Variants in SMIM14 observed in about 807,000 individuals in gnomAD.
SMIM14 encodes small integral membrane protein 14, also known as chromosome 4 open reading frame 34.
Under a neutral mutation model 12.6 loss-of-function variants are expected in SMIM14, and 5 were observed. The observed-to-expected ratio is 0.40, with a 90% CI of 0.21 to 0.83. SMIM14 has a LOEUF of 0.83. Ranked by LOEUF, SMIM14 falls within the 40% of genes least tolerant of loss-of-function variation. SMIM14 has a pLI of 0.37. For missense variants in SMIM14, 86 were observed against 119.1 expected (o/e 0.72, Z 1.29); for synonymous variants, 30 against 40.1 (o/e 0.75, Z 0.95).
At chr4:39,621,561 T>C (rs1332633190) in intron 1 of SMIM14, among the ~76,000 whole-genome samples, 1 of 152,082 alleles carries the variant, frequency 6.6e-6, no homozygotes, top group African/African-American at 2.4e-5. Flanking sequence ...AATACAAAGG[T>C]TTATATACAA....
In SMIM14 at chr4:39,576,942, C is replaced by T. The variant is rs1225360942; in HGVS notation, c.76-4479G>A. On this transcript the variant is annotated intron_variant, in intron 2 of 4. Transcript: ENST00000295958. ...GCCAGGCTGGTCTCGAACTCCTGAC[C>T]TCCAGTGATCTGCCCGCCTCGGCCT... Among the ~76,000 whole-genome samples, 8 of 151,238 alleles carry T rather than the reference C, an allele frequency of 5.3e-5. No homozygotes were observed. In the Admixed American group the frequency reaches 5.3e-4, roughly 10 times the overall value.
In SMIM14 at chr4:39,588,359, T is replaced by C. The variant is rs548202686; in HGVS notation, c.76-15896A>G. ...GAGTTTGAGACCAGCCTGGGCAAAA[T>C]AGAGAGACCCCATCTCTATTCTAAA... On this transcript the variant is annotated intron_variant, in intron 2 of 4. Coordinates refer to ENST00000295958, the MANE Select transcript of SMIM14 (RefSeq NM_174921.3). Among the ~76,000 whole-genome samples, 3 of 152,182 alleles carry C rather than the reference T, an allele frequency of 2.0e-5. No individual in the cohort carries two copies. In the East Asian group the frequency reaches 5.8e-4, roughly 29 times the overall value.
At chr4:39,638,665 G>A in intron 1 of SMIM14, 74 bp downstream of exon 1, 2 of 981,216 alleles carry the variant, frequency 2.0e-6, no homozygotes, top group East Asian at 1.1e-4. Context: ...GAGAGCCTGA[G>A]GAGCCCCCAG....
At chr4:39,553,278 GTCTC>G (rs1271510738) in intron 4 of SMIM14, among the ~76,000 whole-genome samples, 2 of 151,898 alleles carry the variant, frequency 1.3e-5, no homozygotes, top group Admixed American at 1.3e-4. Context: ...GGTCAAGCTG[GTCTC>G]CAACTCCTGA....
chr4:39,616,152 T>C (rs1179154957), intron 1 of SMIM14, among the ~76,000 whole-genome samples: 2 of 152,180 alleles, frequency 1.3e-5, no homozygotes, highest in Admixed American at 6.5e-5. Flanking sequence ...GTTGTTATTT[T>C]TGAGGCTGAG....
At chr4:39,572,597 G>A in intron 2 of SMIM14, 134 bp from the exon 3 acceptor site, 1 of 679,034 alleles carries the variant, frequency 1.5e-6, no homozygotes. Flanking sequence ...TGAGGTGGGT[G>A]GATTGTTTGA....
chr4:39,634,420 T>C (rs1410769603), intron 1 of SMIM14, among the ~76,000 whole-genome samples: 1 of 152,190 alleles, frequency 6.6e-6, no homozygotes, highest in Non-Finnish European at 1.5e-5. Context: ...GTACAGTGAT[T>C]AAAAAGATTT....
At chr4:39,566,100 T>C (rs1242334161) in intron 3 of SMIM14, among the ~76,000 whole-genome samples, 1 of 150,744 alleles carries the variant, frequency 6.6e-6, no homozygotes, top group Non-Finnish European at 1.5e-5. Flanking sequence ...TAAGAACCTG[T>C]TGCAATAATC....
chr4:39,620,170 C>T (rs1356233711), intron 1 of SMIM14, among the ~76,000 whole-genome samples: 1 of 148,598 alleles, frequency 6.7e-6, no homozygotes, highest in African/African-American at 2.5e-5. Context: ...AAGATCCCAT[C>T]TCTATTAAGA....
rs1711641901 is a variant in SMIM14, at chr4:39,550,692, C to A, written c.*1434G>T. The A allele has an allele frequency of 6.6e-6, 1 of 152,124 alleles. No individual in the cohort carries two copies. Among genetic ancestry groups the A allele is most frequent in the Non-Finnish European group, 1.5e-5 (1 of 68,020 alleles). 9.4% of individuals were successfully genotyped at this position (152,124 alleles called of 1,614,324 possible). On this transcript the variant is annotated 3_prime_UTR_variant, in exon 5 of 5. Coordinates refer to ENST00000295958, the MANE Select transcript of SMIM14 (RefSeq NM_174921.3). ...TAAAATTTCTCTCATATTAACATTC[C>A]TTCCTACCCCAATCCATCCCATCAC...
At chr4:39,623,768 A>G (rs57182312) in intron 1 of SMIM14, among the ~76,000 whole-genome samples, 4,469 of 152,242 alleles carry the variant, frequency 0.029, 218 homozygotes, top group African/African-American at 0.1. Flanking sequence ...AGGCTGAGGC[A>G]GGAGAATCAC....
At chr4:39,604,922 A>C in intron 2 of SMIM14, 149 bp downstream of exon 2, 1 of 602,654 alleles carries the variant, frequency 1.7e-6, no homozygotes, top group Non-Finnish European at 2.9e-6. Flanking sequence ...CATTTTAATC[A>C]TTACAACTTA....
At chr4:39,563,457 G>A (rs1011443652) in intron 3 of SMIM14, among the ~76,000 whole-genome samples, 2 of 152,192 alleles carry the variant, frequency 1.3e-5, no homozygotes, top group African/African-American at 4.8e-5. Context: ...CACTGCCTAA[G>A]ACCATCTGAT....
intron 2 of SMIM14, among the ~76,000 whole-genome samples, chr4:39,579,976 GA>G (rs200512583): frequency 0.016 from 2,441 of 151,574 alleles, 28 homozygotes; most frequent in Middle Eastern, 0.058. Flanking sequence ...GAAATTCTTC[GA>G]AAAAAAATTA....
rs370247858 is a variant in SMIM14 at position 39,553,595 on chromosome 4, GTT to G, written c.268-1439_268-1438del. On this transcript the variant is annotated intron_variant, in intron 4 of 4. Transcript: ENST00000295958. ...TTTTTATATAGTGCTAATAATGCCG[GTT>G]TTTTTTTTTTTTTGAGATGGAGTCT... Among the ~76,000 whole-genome samples the G allele has an allele frequency of 5.3e-3, 740 of 140,768 alleles. 6 individuals carry two copies. The highest frequency in any genetic ancestry group is 0.018 in the African/African-American group (695 of 38,708). 92.3% of individuals were successfully genotyped at this position (140,768 alleles called of 152,430 possible).
At chr4:39,595,608 ATTTT>A (rs71192880) in intron 2 of SMIM14, among the ~76,000 whole-genome samples, 1 of 135,532 alleles carries the variant, frequency 7.4e-6, no homozygotes. Flanking sequence ...TGTAACTACG[ATTTT>A]TTTTTTTTTT....
chr4:39,548,875 C>G lies in SMIM14; in HGVS notation c.*3251G>C, dbSNP rs1161487008. The G allele has an allele frequency of 2.0e-5, 3 of 152,114 alleles. No homozygotes were observed. Among genetic ancestry groups the G allele is most frequent in the African/African-American group, 7.2e-5 (3 of 41,422 alleles). 9.4% of individuals were successfully genotyped at this position (152,114 alleles called of 1,614,324 possible). On this transcript the variant is annotated 3_prime_UTR_variant, in exon 5 of 5. Coordinates refer to ENST00000295958, the MANE Select transcript of SMIM14 (RefSeq NM_174921.3). ...TGTAATGTCAACTAAGTGCATGTGA[C>G]AGAAATGAAGAACTAGGAATAAGAA...
chr4:39,613,822 TCAAGA>T (rs1715118964), intron 1 of SMIM14, among the ~76,000 whole-genome samples: 1 of 152,182 alleles, frequency 6.6e-6, no homozygotes, highest in Non-Finnish European at 1.5e-5. Flanking sequence ...ACAAGCAGCT[TCAAGA>T]CTTGTTTCTC....
At chr4:39,552,243 C>T (rs1224606792) in intron 4 of SMIM14, 85 bp from the exon 5 acceptor site, 1 of 1,193,262 alleles carries the variant, frequency 8.4e-7, no homozygotes, top group East Asian at 2.7e-5. Flanking sequence ...TAAAAATTGA[C>T]TTATTAAATC....
Sources: allele counts gnomAD v4.1 joint callset (sites outside exome capture counted in the v4.1 genomes callset), GRCh38; gene constraint gnomAD v4.1.1; transcripts MANE v1.5; gene names NCBI Gene and HGNC (gene_info 2026-07-23, HGNC 2026-07-21).